Variants in ANK3 observed in about 807,000 individuals in gnomAD.
ANK3 encodes the protein ankyrin 3.
ANK3 carries 57 observed loss-of-function variants against 370.9 expected under a neutral mutation model. That is an observed-to-expected ratio of 0.15 (90% CI 0.12 to 0.19). The LOEUF (loss-of-function observed/expected upper bound fraction) is 0.19, where lower values mean the gene tolerates loss of function less well. Among genes scored for constraint, ANK3 ranks in the 10% least tolerant of loss-of-function variants. The probability of loss-of-function intolerance (pLI) is 1.00; values close to 1 mark genes in which losing one functional copy is unlikely to be tolerated. For missense variants in ANK3, 4,439 were observed against 5,302.1 expected, an observed-to-expected ratio of 0.84 and a Z score of 5.06; for synonymous variants, 1,929 against 1,946.3, an observed-to-expected ratio of 0.99 and a Z score of 0.23.
At chr10:60,145,983 C>T in intron 23 of ANK3, 1 of 1,013,134 alleles carries the variant, frequency 9.9e-7, no homozygotes, top group East Asian at 2.6e-5. Flanking sequence ...ACCGTAAACT[C>T]TTGTACCTTG....
At chr10:60,390,801 A>T (rs1219564053), upstream of ANK3, among the ~76,000 whole-genome samples, 2 of 152,020 alleles carry the variant, frequency 1.3e-5, no homozygotes, top group East Asian at 1.9e-4. Flanking sequence ...AGTCAGAAAA[A>T]AAAAAAAGAT....
At chr10:60,583,511 G>T (rs373319791) in intron 2 of ANK3, among the ~76,000 whole-genome samples, 1,750 of 99,884 alleles carry the variant, frequency 0.018, 126 homozygotes, top group African/African-American at 0.051. Flanking sequence ...GAGGTTTTTT[G>T]TTTTTTGTTT....
intron 1 of ANK3, among the ~76,000 whole-genome samples, chr10:60,372,789 A>G (rs980332415): frequency 2.0e-5 from 3 of 152,198 alleles, no homozygotes; most frequent in African/African-American, 2.4e-5. Context: ...AAACCGATGT[A>G]TTTATATAAA....
chr10:60,070,573 A>G lies in ANK3; in HGVS notation c.10308T>C (p.Ile3436=). 6.2e-7 allele frequency: 1 copy of G among 1,614,080 alleles called. No individual in the cohort carries two copies. ...TATCTTTCTTAATTTCCATGGCTTG[A>G]ATTGGGAGTTTAGAATCACTCTCTG... ...GLTESDSKLP[I]QAMEIKKDIW... The change falls in exon 37 of 44, where the codon ATT becomes ATC. Residue 3436 remains isoleucine, a synonymous_variant. Coordinates refer to ENST00000280772, the MANE Select transcript of ANK3 (RefSeq NM_020987.5). This position sits in a 1 kb window ranked among gnomAD's most constrained non-coding sequence, Gnocchi z 5.7.
In ANK3 at chr10:60,625,663, G is replaced by C. The variant is rs1595360883; in HGVS notation, c.58-10439C>G. ...CTTATTTCCTATCTCCATTATTTCT[G>C]GCTTATTAATATCTACAATCTCATC... On this transcript the variant is annotated intron_variant, in intron 1 of 43. Transcript: ENST00000373827. Among the ~76,000 whole-genome samples, 3 of 152,134 alleles carry C rather than the reference G, an allele frequency of 2.0e-5. No homozygotes were observed. In the East Asian group the frequency reaches 5.8e-4, roughly 29 times the overall value.
intron 1 of ANK3, among the ~76,000 whole-genome samples, chr10:60,725,322 C>A (rs2132029710): frequency 6.6e-6 from 1 of 151,880 alleles, no homozygotes; most frequent in East Asian, 1.9e-4. Context: ...ACCTCCCATT[C>A]CCCTCCACCA....
chr10:60,116,593 T>TA (rs56117415), intron 25 of ANK3, among the ~76,000 whole-genome samples: 50,839 of 148,722 alleles, frequency 0.34, 9,010 homozygotes, highest in Admixed American at 0.41. Flanking sequence ...GACTACTTAT[T>TA]AAAAAAAAAA....
intron 10 of ANK3, among the ~76,000 whole-genome samples, chr10:60,207,408 T>C (rs542521385): frequency 6.6e-6 from 1 of 152,316 alleles, no homozygotes; most frequent in East Asian, 1.9e-4. Flanking sequence ...TAAACTTGGG[T>C]ACTTATTCTG....
At chr10:60,445,812 G>A (rs1331261287) in intron 2 of ANK3, among the ~76,000 whole-genome samples, 1 of 152,144 alleles carries the variant, frequency 6.6e-6, no homozygotes, top group Non-Finnish European at 1.5e-5. Context: ...TTGTTTCCCA[G>A]GCCTGTTACC....
chr10:60,252,039 C>G (rs942910440), intron 7 of ANK3, among the ~76,000 whole-genome samples: 3 of 152,208 alleles, frequency 2.0e-5, no homozygotes, highest in African/African-American at 7.2e-5. Flanking sequence ...CTGGTCCATG[C>G]TGATCTTCTA....
At position 60,695,511 on chromosome 10, in the gene ANK3, C is replaced by T. The variant is rs191908738; in HGVS notation, c.57+37752G>A. Reference sequence around the variant, plus strand: ...ACCACATACTTCGAAGTAAAGCCCTCCTCAGCAAATGTAAAAGAACAGAAA... The same window carrying T: ...ACCACATACTTCGAAGTAAAGCCCTTCTCAGCAAATGTAAAAGAACAGAAA... On this transcript the variant is annotated intron_variant, in intron 1 of 43. Coordinates refer to the ANK3 transcript ENST00000373827. Among the ~76,000 whole-genome samples, 314 of 152,278 alleles carry T rather than the reference C, an allele frequency of 2.1e-3. 3 individuals are homozygous for T. The highest frequency in any genetic ancestry group is 7.2e-3 in the African/African-American group (300 of 41,550).
Position 60,086,868 on chromosome 10 carries a change from T to C in ANK3, c.3557A>G (p.Asp1186Gly). 6.2e-7 allele frequency: 1 copy of C among 1,613,358 alleles called. No individual in the cohort carries two copies. The change falls in exon 30 of 44, where the codon GAT becomes GGT. Residue 1186 changes from aspartate to glycine, a missense_variant. Physicochemically the swap from Asp to Gly is moderately conservative, Grantham distance 94. This residue lies in a region of ANK3 where 702 missense variants were observed against 941.5 expected (regional missense o/e 0.75). Coordinates refer to ENST00000280772, the MANE Select transcript of ANK3 (RefSeq NM_020987.5). ...TCCAAGGATCTTTTTCACAATTTCA[T>C]CTGGAACAGGCTGGGCCTAGAGACA... Reference protein sequence around the residue: ...RVGLQAQPVPDEIVKKILGNK... With the variant: ...RVGLQAQPVPGEIVKKILGNK...
At chr10:60,104,402 AAAG>A (rs746275950) in intron 28 of ANK3, among the ~76,000 whole-genome samples, 8,374 of 116,948 alleles carry the variant, frequency 0.072, 264 homozygotes, top group African/African-American at 0.11. Flanking sequence ...AGAAACAAAG[AAAG>A]AAAGAAAAGA....
intron 9 of ANK3, among the ~76,000 whole-genome samples, chr10:60,212,367 G>A (rs2096870914): frequency 6.6e-6 from 1 of 152,114 alleles, no homozygotes; most frequent in Non-Finnish European, 1.5e-5. Flanking sequence ...GGGACCAACA[G>A]GAAGCTACTA....
At chr10:60,284,937 T>A (rs1365334122) in intron 1 of ANK3, among the ~76,000 whole-genome samples, 1 of 152,090 alleles carries the variant, frequency 6.6e-6, no homozygotes, top group African/African-American at 2.4e-5. Context: ...TTCAAATTCC[T>A]TTTTTCTACT....
At position 60,072,330 on chromosome 10, in the gene ANK3, C is replaced by A. The variant is rs765832011; in HGVS notation, c.8551G>T (p.Val2851Phe). The A allele has an allele frequency of 3.1e-6, 5 of 1,613,972 alleles. No homozygotes were observed. Among genetic ancestry groups the A allele is most frequent in the Middle Eastern group, 1.7e-4 (1 of 6,060 alleles). Residue 2851 changes from valine to phenylalanine, a missense_variant, in exon 37 of 44, where the codon GTC (valine) becomes TTC (phenylalanine). Physicochemically the swap from Val to Phe is conservative, Grantham distance 50. Around this residue, in one of 13 missense-constraint regions of ANK3, gnomAD observed 1,601 missense variants for 1,731.7 expected, o/e 0.92. Transcript: ENST00000280772. The part of the protein sequence containing the change: ...LATRGPWDKK[V>F]FRTWESSGAT... ...CCCGAACTCTCCCATGTTCTAAAGA[C>A]CTTTTTGTCCCATGGTCCCCTAGTT...
intron 1 of ANK3, among the ~76,000 whole-genome samples, chr10:60,701,990 G>A (rs1398386722): frequency 6.6e-6 from 1 of 152,148 alleles, no homozygotes; most frequent in Non-Finnish European, 1.5e-5. Context: ...TGGGTGCAGT[G>A]GCTCATGCCT....
intron 1 of ANK3, among the ~76,000 whole-genome samples, chr10:60,667,872 C>T (rs1164071550): frequency 6.6e-6 from 1 of 151,498 alleles, no homozygotes; most frequent in African/African-American, 2.5e-5. Context: ...AGCAATGTTT[C>T]TCAATATTTA....
intron 1 of ANK3, among the ~76,000 whole-genome samples, chr10:60,368,338 C>A (rs76446094): frequency 0.1 from 15,850 of 152,130 alleles, 886 homozygotes; most frequent in South Asian, 0.13. Context: ...GGCACATAGT[C>A]ATGGAGAAGG....
Sources: allele counts gnomAD v4.1 joint callset (sites outside exome capture counted in the v4.1 genomes callset), GRCh38; gene constraint gnomAD v4.1.1; regional missense constraint gnomAD v4.1.1; non-coding constraint Gnocchi (gnomAD v3.1); transcripts MANE v1.5; gene names NCBI Gene and HGNC (gene_info 2026-07-23, HGNC 2026-07-21).